The following APBA1 variants were observed in gnomAD, a reference collection of about 807,000 sequenced individuals.
The protein encoded by APBA1 is amyloid-beta A4 precursor protein-binding family A member 1.
A neutral mutation model predicts 86.6 loss-of-function variants in APBA1; 55 were observed. The ratio of observed to expected loss-of-function variants is 0.64; its 90% confidence interval spans 0.51 to 0.80. APBA1 has a LOEUF of 0.80. Among genes scored for constraint, APBA1 ranks in the 30% least tolerant of loss-of-function variants. The pLI is 0.00. For missense variants in APBA1, 1,090 were observed against 1,183.0 expected, an observed-to-expected ratio of 0.92 and a Z score of 1.15; for synonymous variants, 511 against 493.9, an observed-to-expected ratio of 1.03 and a Z score of -0.46.
At chr9:69,664,421 G>T (rs768154000) in intron 1 of APBA1, among the ~76,000 whole-genome samples, 5 of 152,186 alleles carry the variant, frequency 3.3e-5, no homozygotes, top group Non-Finnish European at 5.9e-5. Context: ...AATAAAGTTT[G>T]TGGTGGTAGC....
chr9:69,540,853 A>G (rs943821189), intron 1 of APBA1, among the ~76,000 whole-genome samples: 1 of 152,088 alleles, frequency 6.6e-6, no homozygotes, highest in East Asian at 1.9e-4. Flanking sequence ...AATCCTCCCA[A>G]CTTGGCTTCC....
intron 2 of APBA1, among the ~76,000 whole-genome samples, chr9:69,488,654 G>T (rs891961793): frequency 6.6e-6 from 1 of 152,144 alleles, no homozygotes; most frequent in African/African-American, 2.4e-5. Flanking sequence ...CGGGCAAGGG[G>T]TGGAGAGGCC....
intron 1 of APBA1, among the ~76,000 whole-genome samples, chr9:69,662,893 CA>C (rs918279487): frequency 1.3e-5 from 2 of 152,174 alleles, no homozygotes; most frequent in African/African-American, 4.8e-5. Context: ...CCCTTTTCCA[CA>C]CTAATGTAAT....
chr9:69,651,755 C>T (rs1197265349), intron 1 of APBA1, among the ~76,000 whole-genome samples: 13 of 152,230 alleles, frequency 8.5e-5, no homozygotes, highest in South Asian at 6.2e-4. Flanking sequence ...AGATTACCGG[C>T]GTGAGCCACC....
chr9:69,645,645 G>T (rs907630178), intron 1 of APBA1, among the ~76,000 whole-genome samples: 5 of 152,294 alleles, frequency 3.3e-5, no homozygotes, highest in South Asian at 4.1e-4. Context: ...TGAAAGGGAG[G>T]GGGGAGCTCG....
At chr9:69,571,632 T>C (rs981618839) in intron 1 of APBA1, among the ~76,000 whole-genome samples, 30 of 152,346 alleles carry the variant, frequency 2.0e-4, no homozygotes, top group Admixed American at 1.8e-3. Context: ...GACATTTCTA[T>C]AACAAATATT....
At chr9:69,471,773 G>GA in intron 3 of APBA1, 78 bp from the exon 4 acceptor site, 1 of 1,182,376 alleles carries the variant, frequency 8.5e-7, no homozygotes, top group South Asian at 1.3e-5. Context: ...CATGCAACAT[G>GA]AAAAATAAAT....
intron 2 of APBA1, among the ~76,000 whole-genome samples, chr9:69,492,810 C>T (rs1835735590): frequency 6.6e-6 from 1 of 152,070 alleles, no homozygotes; most frequent in African/African-American, 2.4e-5. Context: ...CCCCAGCAAG[C>T]CCTAGCCAAC....
intron 1 of APBA1, among the ~76,000 whole-genome samples, chr9:69,580,743 A>G (rs1029807337): frequency 1.3e-5 from 2 of 152,154 alleles, no homozygotes; most frequent in African/African-American, 4.8e-5. Flanking sequence ...CACATGACAC[A>G]TACTGATTGA....
At chr9:69,653,512 T>A (rs1823549813) in intron 1 of APBA1, among the ~76,000 whole-genome samples, 1 of 152,194 alleles carries the variant, frequency 6.6e-6, no homozygotes, top group South Asian at 2.1e-4. Flanking sequence ...AATACACATT[T>A]TCCTCAACAC....
chr9:69,600,904 C>T (rs1822339329), intron 1 of APBA1, among the ~76,000 whole-genome samples: 1 of 150,574 alleles, frequency 6.6e-6, no homozygotes, highest in Non-Finnish European at 1.5e-5. Context: ...ACCTGGGAGG[C>T]TTAAATGAGA....
At chr9:69,505,819 AC>A (rs538752663) in intron 2 of APBA1, among the ~76,000 whole-genome samples, 165 of 152,082 alleles carry the variant, frequency 1.1e-3, no homozygotes, top group Admixed American at 2.9e-3. Context: ...GGAGTTCAAG[AC>A]CAGCCTGGCC....
rs75409690 is a variant in APBA1, at chr9:69,536,125, G to C, written c.-69-18846C>G. Among the ~76,000 whole-genome samples the C allele has an allele frequency of 7.0e-3, 1,039 of 148,926 alleles. 8 individuals are homozygous for C. Among genetic ancestry groups the C allele is most frequent in the African/African-American group, 0.024 (975 of 40,464 alleles). On this transcript the variant is annotated intron_variant, in intron 1 of 12. Coordinates refer to ENST00000265381, the MANE Select transcript of APBA1 (RefSeq NM_001163.4). ...TTTCATAATGTCACAATTTACTATT[G>C]CTTACTCATTCTCTTATTCATAATC... is the stretch of plus-strand genomic sequence containing the variant.
chr9:69,487,986 A>G (rs1835638925), intron 2 of APBA1, among the ~76,000 whole-genome samples: 1 of 152,156 alleles, frequency 6.6e-6, no homozygotes, highest in Non-Finnish European at 1.5e-5. Flanking sequence ...GCAGAGGTGC[A>G]AATATTGCAA....
chr9:69,550,985 T>C (rs1355607445), intron 1 of APBA1, among the ~76,000 whole-genome samples: 3 of 152,174 alleles, frequency 2.0e-5, no homozygotes, highest in African/African-American at 7.2e-5. Context: ...ATAAAATACA[T>C]ACATTATATG....
chr9:69,556,763 GA>G (rs971954547), intron 1 of APBA1, among the ~76,000 whole-genome samples: 3 of 152,192 alleles, frequency 2.0e-5, no homozygotes, highest in African/African-American at 7.2e-5. Context: ...AGTTAAGAAA[GA>G]TTTTAGGAAA....
chr9:69,632,326 A>G (rs1823064821), intron 1 of APBA1, among the ~76,000 whole-genome samples: 1 of 152,156 alleles, frequency 6.6e-6, no homozygotes, highest in Non-Finnish European at 1.5e-5. Context: ...TCATTACTGA[A>G]TGCTCCAACT....
intron 1 of APBA1, among the ~76,000 whole-genome samples, chr9:69,671,283 G>A (rs1206669264): frequency 2.0e-5 from 3 of 152,172 alleles, no homozygotes; most frequent in African/African-American, 4.8e-5. Context: ...TGGAACAGGT[G>A]CTAAGGAGAG....
chr9:69,511,525 G>A (rs976826875), intron 2 of APBA1, among the ~76,000 whole-genome samples: 41 of 151,098 alleles, frequency 2.7e-4, no homozygotes, highest in African/African-American at 9.2e-4. Flanking sequence ...CGATTCCTCA[G>A]GGATCTAGAA....
Sources: allele counts gnomAD v4.1 joint callset (sites outside exome capture counted in the v4.1 genomes callset), GRCh38; gene constraint gnomAD v4.1.1; transcripts MANE v1.5; gene names NCBI Gene and HGNC (gene_info 2026-07-23, HGNC 2026-07-21).